NKAIN2: variants seen among roughly 807,000 people sequenced by gnomAD.
NKAIN2 encodes the protein sodium/potassium-transporting ATPase subunit beta-1-interacting protein 2.
NKAIN2 carries 14 observed loss-of-function variants against 32.6 expected under a neutral mutation model. That is an observed-to-expected ratio of 0.43 (90% CI 0.28 to 0.67). The LOEUF is 0.67. Among genes scored for constraint, NKAIN2 ranks in the 30% least tolerant of loss-of-function variants. The pLI is 0.17. For synonymous variants in NKAIN2, 80 were observed against 87.2 expected (o/e 0.92, Z 0.46); for missense variants, 198 against 258.3 (o/e 0.77, Z 1.60).
chr6:124,083,645 C>T (rs1784070342), intron 1 of NKAIN2, among the ~76,000 whole-genome samples: 1 of 151,906 alleles, frequency 6.6e-6, no homozygotes, highest in Non-Finnish European at 1.5e-5. Flanking sequence ...GTCTTTGACT[C>T]CTTCCTGTTC....
chr6:124,641,318 T>A (rs1217783766), intron 3 of NKAIN2, among the ~76,000 whole-genome samples: 4 of 151,990 alleles, frequency 2.6e-5, no homozygotes, highest in Non-Finnish European at 5.9e-5. Flanking sequence ...ACAGACAACA[T>A]AAAACATTTA....
At chr6:124,261,752 C>T (rs920551893) in intron 1 of NKAIN2, among the ~76,000 whole-genome samples, 6 of 151,446 alleles carry the variant, frequency 4.0e-5, no homozygotes, top group African/African-American at 9.7e-5. Flanking sequence ...CCCAGCTACT[C>T]GGGAGGCTGA....
At chr6:124,120,528 A>T (rs539166904) in intron 1 of NKAIN2, among the ~76,000 whole-genome samples, 1 of 152,318 alleles carries the variant, frequency 6.6e-6, no homozygotes, top group East Asian at 1.9e-4. Context: ...TCCATAAATG[A>T]TAAAAATGAG....
chr6:124,121,141 C>T (rs594664), intron 1 of NKAIN2, among the ~76,000 whole-genome samples: 56,938 of 151,700 alleles, frequency 0.38, 11,109 homozygotes, highest in South Asian at 0.44. Flanking sequence ...GCCTAAACTC[C>T]CTTTGAACTC....
At chr6:124,478,645 G>C (rs1211927922) in intron 3 of NKAIN2, among the ~76,000 whole-genome samples, 1 of 152,160 alleles carries the variant, frequency 6.6e-6, no homozygotes, top group African/African-American at 2.4e-5. Flanking sequence ...ATAATCTGAG[G>C]TATAAAGTAA....
At chr6:123,939,245 AG>A (rs1190501718) in intron 1 of NKAIN2, among the ~76,000 whole-genome samples, 1 of 151,942 alleles carries the variant, frequency 6.6e-6, no homozygotes, top group Non-Finnish European at 1.5e-5. Context: ...ATAGTTGCAG[AG>A]AGTGCAGGGG....
chr6:124,301,738 G>A (rs1269612666), intron 2 of NKAIN2, among the ~76,000 whole-genome samples: 5 of 152,198 alleles, frequency 3.3e-5, no homozygotes, highest in Admixed American at 2.0e-4. Context: ...CATGGGGCCT[G>A]TAGCCCCTTC....
At chr6:124,813,980 A>G (rs1781028363) in intron 5 of NKAIN2, among the ~76,000 whole-genome samples, 1 of 152,208 alleles carries the variant, frequency 6.6e-6, no homozygotes, top group African/African-American at 2.4e-5. Flanking sequence ...AATAAATGTC[A>G]TTATATAAAA....
intron 1 of NKAIN2, among the ~76,000 whole-genome samples, chr6:124,281,107 C>A (rs1459881349): frequency 1.3e-5 from 2 of 152,060 alleles, no homozygotes; most frequent in Non-Finnish European, 2.9e-5. Flanking sequence ...TGAGATATTT[C>A]CCACTGTTAG....
chr6:124,792,385 C>T (rs969362581), intron 5 of NKAIN2, among the ~76,000 whole-genome samples: 3 of 152,048 alleles, frequency 2.0e-5, no homozygotes, highest in African/African-American at 4.8e-5. Context: ...CAATCGTACT[C>T]ATACATGATC....
chr6:123,930,003 A>C (rs1222531136), intron 1 of NKAIN2, among the ~76,000 whole-genome samples: 2 of 152,042 alleles, frequency 1.3e-5, no homozygotes, highest in Non-Finnish European at 2.9e-5. Flanking sequence ...CAGCCTCAAT[A>C]ATTTCAGTCC....
At chr6:124,029,900 G>C (rs986424151) in intron 1 of NKAIN2, among the ~76,000 whole-genome samples, 9 of 152,030 alleles carry the variant, frequency 5.9e-5, no homozygotes, top group African/African-American at 2.2e-4. Context: ...GTGCATGTGA[G>C]AGATCTAGGT....
chr6:123,904,173 G>T (rs998640379), intron 1 of NKAIN2, among the ~76,000 whole-genome samples: 73 of 152,048 alleles, frequency 4.8e-4, no homozygotes, highest in African/African-American at 1.7e-3. Flanking sequence ...GGAGGTTGTG[G>T]TGAGCCAAGA....
rs140978911 is a variant in NKAIN2 at position 123,817,884 on chromosome 6, G to A, written c.54+13630G>A. Among the ~76,000 whole-genome samples, 562 of 152,128 alleles carry A rather than the reference G, an allele frequency of 3.7e-3. 3 individuals carry two copies. The highest frequency in any genetic ancestry group is 0.013 in the African/African-American group (519 of 41,496). ...ATTTGTGGGAGTATTGACTGGAGAG[G>A]CAATGTTGAATCTAGATTTATTTGA... On this transcript the variant is annotated intron_variant, in intron 1 of 6. Coordinates refer to ENST00000368417, the MANE Select transcript of NKAIN2 (RefSeq NM_001040214.3).
intron 3 of NKAIN2, among the ~76,000 whole-genome samples, chr6:124,411,586 C>G (rs561430797): frequency 6.6e-6 from 1 of 152,250 alleles, no homozygotes; most frequent in African/African-American, 2.4e-5. Context: ...TGTGGGTAAC[C>G]TGACCTTTCT....
chr6:124,598,837 C>T (rs530557673), intron 3 of NKAIN2, among the ~76,000 whole-genome samples: 1 of 152,044 alleles, frequency 6.6e-6, no homozygotes, highest in East Asian at 1.9e-4. Context: ...TGTATTTGTA[C>T]TTGGCCTCCT....
intron 1 of NKAIN2, among the ~76,000 whole-genome samples, chr6:124,056,885 A>G (rs1782678726): frequency 1.3e-5 from 2 of 152,150 alleles, no homozygotes; most frequent in South Asian, 4.1e-4. Flanking sequence ...GTCCATCTGT[A>G]AGGAGTTTCC....
intron 1 of NKAIN2, among the ~76,000 whole-genome samples, chr6:124,268,750 T>A (rs545667682): frequency 6.6e-6 from 1 of 151,590 alleles, no homozygotes; most frequent in East Asian, 1.9e-4. Flanking sequence ...TTCTACATAT[T>A]CAGTATTGTA....
rs749385860 is a variant in NKAIN2, at chr6:124,355,190, G to A, written c.193-77G>A. On this transcript the variant is annotated intron_variant, in intron 2 of 6. Transcript: ENST00000368417. Reference sequence around the variant, plus strand: ...CCACTAATCTTATATTAGGGTGTGCGAAAGTTCGTTTTATTTGAATCATAC... The same window carrying A: ...CCACTAATCTTATATTAGGGTGTGCAAAAGTTCGTTTTATTTGAATCATAC... 30 of 922,820 alleles carry A rather than the reference G, an allele frequency of 3.3e-5. 1 individual carries two copies. The highest frequency in any genetic ancestry group is 6.5e-5 in the African/African-American group (4 of 61,096). The allele number at this position is 922,820 out of a possible 1,614,324, so 57.2% of individuals were successfully genotyped here.
Sources: allele counts gnomAD v4.1 joint callset (sites outside exome capture counted in the v4.1 genomes callset), GRCh38; gene constraint gnomAD v4.1.1; transcripts MANE v1.5; gene names NCBI Gene and HGNC (gene_info 2026-07-23, HGNC 2026-07-21).